Variants in ABCB1 observed in about 807,000 individuals in gnomAD.
ABCB1 encodes the protein ATP-dependent translocase ABCB1.
ABCB1 carries 69 observed loss-of-function variants against 142.0 expected under a neutral mutation model. That is an observed-to-expected ratio of 0.49 (90% CI 0.40 to 0.59). The LOEUF is 0.59. Ranked by LOEUF, ABCB1 falls within the 20% of genes least tolerant of loss-of-function variation. ABCB1 has a pLI of 0.00. For synonymous variants in ABCB1, 532 were observed against 539.2 expected (o/e 0.99, Z 0.18); for missense variants, 1,326 against 1,554.7 (o/e 0.85, Z 2.47).
chr7:87,554,600 C>T (rs1817235178), intron 8 of ABCB1, among the ~76,000 whole-genome samples: 1 of 152,138 alleles, frequency 6.6e-6, no homozygotes, highest in Non-Finnish European at 1.5e-5. Context: ...TTTATAAAAG[C>T]ACATCATTAT....
At chr7:87,593,427 C>T (rs757108720) in intron 3 of ABCB1, among the ~76,000 whole-genome samples, 3 of 152,082 alleles carry the variant, frequency 2.0e-5, no homozygotes, top group Non-Finnish European at 4.4e-5. Flanking sequence ...TTTAAGATTG[C>T]TAAAAAATCT....
chr7:87,653,359 A>C (rs548046288), intron 1 of ABCB1, among the ~76,000 whole-genome samples: 44 of 152,256 alleles, frequency 2.9e-4, no homozygotes, highest in African/African-American at 1.1e-3. Flanking sequence ...GAAGTTAGGC[A>C]TTTTGCCTGC....
intron 1 of ABCB1, among the ~76,000 whole-genome samples, chr7:87,652,109 C>T (rs1585006767): frequency 6.6e-6 from 1 of 151,872 alleles, no homozygotes; most frequent in African/African-American, 2.4e-5. Context: ...AAATTTTATG[C>T]ATAAATTTAT....
At chr7:87,713,024 A>T (rs1007105773) in intron 1 of ABCB1, 3 of 151,976 alleles carry the variant, frequency 2.0e-5, no homozygotes, top group Admixed American at 6.6e-5. Flanking sequence ...ATTTACACTA[A>T]TTTTTTTTAC....
chr7:87,703,885 CTTTTTTTTTTTTT>C, intron 1 of ABCB1, among the ~76,000 whole-genome samples: 2 of 60,282 alleles, frequency 3.3e-5, no homozygotes, highest in Non-Finnish European at 6.3e-5. Flanking sequence ...TCAGTTTTTT[CTTTTTTTTTTTTT>C]TTTTTTTTTT....
rs200838115 is a variant in ABCB1, at chr7:87,504,125, T to C, written c.*118A>G. 6 of 1,347,660 alleles carry C rather than the reference T, an allele frequency of 4.5e-6. No homozygotes were observed. The highest frequency in any genetic ancestry group is 6.2e-6 in the Non-Finnish European group (6 of 966,584). The allele number at this position is 1,347,660 out of a possible 1,614,324, so 83.5% of individuals were successfully genotyped here. On this transcript the variant is annotated 3_prime_UTR_variant, in exon 28 of 28. Coordinates refer to ENST00000622132, the MANE Select transcript of ABCB1 (RefSeq NM_001348946.2). ...AGTCTCTGAAGACTCTGAACTTGAC[T>C]GAGGAAATGTTAAACAGATACCTCT...
intron 1 of ABCB1, among the ~76,000 whole-genome samples, chr7:87,612,380 T>A (rs1404209063): frequency 6.6e-6 from 1 of 152,182 alleles, no homozygotes; most frequent in Non-Finnish European, 1.5e-5. Context: ...CCTTCTAGAA[T>A]TTTTATGGTT....
Position 87,517,932 on chromosome 7 carries a change from G to C in ABCB1, c.2928-1267C>G, listed in dbSNP as rs116073000. ...TTAAACAGTTCTTTTTCAAACTGAA[G>C]AAAAAATTTACTTCCTTTTACATAA... On this transcript the variant is annotated intron_variant, in intron 23 of 27. Transcript: ENST00000622132. Among the ~76,000 whole-genome samples the C allele has an allele frequency of 3.0e-3, 451 of 152,264 alleles. 1 individual carries two copies. Among genetic ancestry groups the C allele is most frequent in the African/African-American group, 0.01 (420 of 41,560 alleles).
At chr7:87,592,647 A>C (rs745342826) in intron 3 of ABCB1, among the ~76,000 whole-genome samples, 2 of 152,150 alleles carry the variant, frequency 1.3e-5, no homozygotes, top group African/African-American at 2.4e-5. Flanking sequence ...TAGCTATGTG[A>C]CCCTGTGATT....
intron 1 of ABCB1, among the ~76,000 whole-genome samples, chr7:87,669,354 G>T (rs1036755021): frequency 6.6e-6 from 1 of 151,566 alleles, no homozygotes; most frequent in African/African-American, 2.4e-5. Flanking sequence ...TCTTTATTTT[G>T]AGCCTATGAG....
chr7:87,633,591 G>C (rs1025845886), intron 1 of ABCB1, among the ~76,000 whole-genome samples: 1 of 151,460 alleles, frequency 6.6e-6, no homozygotes, highest in African/African-American at 2.4e-5. Context: ...TCTTTTCTTT[G>C]TACTTCCCAT....
At chr7:87,648,879 A>G (rs1823290990) in intron 1 of ABCB1, among the ~76,000 whole-genome samples, 1 of 151,992 alleles carries the variant, frequency 6.6e-6, no homozygotes, top group Admixed American at 6.6e-5. Context: ...TATATTTAAA[A>G]TCTTTTAGTT....
chr7:87,548,973 T>A (rs1026220778), intron 14 of ABCB1, among the ~76,000 whole-genome samples: 9 of 152,224 alleles, frequency 5.9e-5, no homozygotes, highest in Non-Finnish European at 1.5e-5. Flanking sequence ...TTTCTCTTCT[T>A]GGCAATATTA....
chr7:87,666,299 G>T (rs1314165022), intron 1 of ABCB1, among the ~76,000 whole-genome samples: 1 of 152,042 alleles, frequency 6.6e-6, no homozygotes, highest in Non-Finnish European at 1.5e-5. Flanking sequence ...TTTGAAAAGT[G>T]TCTGTTCATG....
chr7:87,594,209 T>C (rs1195400786), intron 3 of ABCB1, among the ~76,000 whole-genome samples: 1 of 152,188 alleles, frequency 6.6e-6, no homozygotes, highest in Admixed American at 6.5e-5. Context: ...CTCTCTATCC[T>C]GGCCCCATTG....
intron 1 of ABCB1, among the ~76,000 whole-genome samples, chr7:87,648,855 A>C (rs186066389): frequency 6.6e-6 from 1 of 152,208 alleles, no homozygotes; most frequent in East Asian, 1.9e-4. Flanking sequence ...CTGCTGTGCT[A>C]AGTGAGGACT....
intron 1 of ABCB1, among the ~76,000 whole-genome samples, chr7:87,612,997 C>G (rs889331985): frequency 8.5e-5 from 12 of 141,398 alleles, no homozygotes; most frequent in African/African-American, 2.8e-4. Flanking sequence ...AAGAATATTC[C>G]TAGGTTTTGG....
intron 19 of ABCB1, among the ~76,000 whole-genome samples, 183 bp downstream of exon 19, chr7:87,539,085 G>A (rs1021570874): frequency 2.0e-5 from 3 of 152,168 alleles, no homozygotes; most frequent in African/African-American, 7.2e-5. Flanking sequence ...ACCCAGACCT[G>A]ACAGACAGTA....
At chr7:87,512,615 CAG>C (rs1021808901) in intron 25 of ABCB1, among the ~76,000 whole-genome samples, 18 of 152,276 alleles carry the variant, frequency 1.2e-4, no homozygotes, top group African/African-American at 4.1e-4. Context: ...CTCAAATCCA[CAG>C]ACTCATTTTT....
Sources: gnomAD v4.1 joint callset for allele counts (sites outside exome capture counted in the v4.1 genomes callset) on GRCh38, gnomAD v4.1.1 for gene constraint, MANE v1.5 for transcripts, NCBI Gene and HGNC (gene_info 2026-07-23, HGNC 2026-07-21) for gene names.